The following ADGRV1 variants were observed in gnomAD, a reference collection of about 807,000 sequenced individuals.
ADGRV1 encodes the protein G-protein coupled receptor 98.
In ADGRV1, 359 loss-of-function variants were observed where a neutral mutation model predicts 596.2. The ratio of observed to expected loss-of-function variants is 0.60; its 90% CI spans 0.55 to 0.66. The LOEUF (loss-of-function observed/expected upper bound fraction) is 0.66. Among genes scored for constraint, ADGRV1 ranks in the 30% least tolerant of loss-of-function variants. The pLI, the probability that ADGRV1 is intolerant of heterozygous loss-of-function variation, is 0.00. For synonymous variants in ADGRV1, 2,681 were observed against 2,679.2 expected (o/e 1.00, Z -0.02); for missense variants, 7,274 against 7,575.6 (o/e 0.96, Z 1.48).
chr5:91,163,960 A>T lies in ADGRV1; in HGVS notation c.*60A>T. 1 of 808,950 alleles carries T rather than the reference A, an allele frequency of 1.2e-6. No individual in the cohort carries two copies. Among genetic ancestry groups the T allele is most frequent in the Non-Finnish European group, 2.1e-6 (1 of 468,930 alleles). 50.1% of individuals were successfully genotyped at this position (808,950 alleles called of 1,614,324 possible). On this transcript the variant is annotated 3_prime_UTR_variant, in exon 90 of 90. Coordinates refer to ENST00000405460, the MANE Select transcript of ADGRV1 (RefSeq NM_032119.4). ...TATTTGTATCAGCTTTTGTGCTAAA[A>T]CTCTCTAAGTACATCCACCTGTGTA...
intron 87 of ADGRV1, among the ~76,000 whole-genome samples, chr5:91,117,015 A>G (rs1399792508): frequency 6.6e-6 from 1 of 152,208 alleles, no homozygotes; most frequent in Non-Finnish European, 1.5e-5. Context: ...GAATACAATT[A>G]TTAGCTAAGA....
At chr5:91,119,439 T>C (rs1176173507) in intron 87 of ADGRV1, among the ~76,000 whole-genome samples, 1 of 152,206 alleles carries the variant, frequency 6.6e-6, no homozygotes, top group African/African-American at 2.4e-5. Flanking sequence ...TGAAGCACTT[T>C]GAAAATCGTC....
intron 86 of ADGRV1, among the ~76,000 whole-genome samples, chr5:91,099,697 G>A (rs530777161): frequency 1.4e-4 from 22 of 152,074 alleles, no homozygotes; most frequent in Non-Finnish European, 3.1e-4. Context: ...CCTGAGTCCA[G>A]GAGTTCAAGA....
chr5:90,756,675 C>G (rs1755867186), intron 56 of ADGRV1, 45 bp downstream of exon 56: 1 of 1,500,804 alleles, frequency 6.7e-7, no homozygotes, highest in Non-Finnish European at 9.2e-7. Flanking sequence ...GAGGCCTCTC[C>G]CTGCTGATTT....
intron 83 of ADGRV1, among the ~76,000 whole-genome samples, chr5:90,898,929 G>A (rs1477979398): frequency 6.6e-6 from 1 of 151,980 alleles, no homozygotes; most frequent in Non-Finnish European, 1.5e-5. Flanking sequence ...CTGGGAAATA[G>A]AGTGAGACCC....
At chr5:91,096,483 TTTG>T (rs1426250395) in intron 86 of ADGRV1, among the ~76,000 whole-genome samples, 18 of 152,344 alleles carry the variant, frequency 1.2e-4, no homozygotes, top group African/African-American at 3.8e-4. Context: ...TGGTTTGTTG[TTTG>T]TTGTTGTTGT....
chr5:91,134,283 G>A (rs752991524), intron 87 of ADGRV1, among the ~76,000 whole-genome samples: 3 of 151,488 alleles, frequency 2.0e-5, no homozygotes, highest in African/African-American at 4.9e-5. Context: ...AACCTCCCAC[G>A]CTCAAGCAAT....
chr5:90,810,744 A>G lies in ADGRV1; in HGVS notation c.15484A>G (p.Ser5162Gly). The change falls in exon 74 of 90, where the codon AGC becomes GGC. Residue 5162 changes from serine (S) to glycine (G), a missense_variant. Ser to Gly is a moderately conservative substitution (Grantham distance 56). Transcript: ENST00000405460. ...AGAAACTGAATCCACCACATACCTC[A>G]GCACAAGCAAGACGACTACCATTCT... Reference protein sequence around the residue: ...PVETESTTYLSTSKTTTILQP... With the variant: ...PVETESTTYLGTSKTTTILQP... 6.2e-7 allele frequency: 1 copy of G among 1,613,980 alleles called. No homozygotes were observed. The highest frequency in any genetic ancestry group is 8.5e-7 in the Non-Finnish European group (1 of 1,179,892).
At position 90,748,798 on chromosome 5, in the gene ADGRV1, T is replaced by C. The variant is rs1290501228; in HGVS notation, c.10975-1753T>C. On this transcript the variant is annotated intron_variant, in intron 52 of 89. Transcript: ENST00000405460. ...CTTCATGACACTTATAATTGCCTAG[T>C]TTGTCTATCATCAAGTTTTTTTTTG... Among the ~76,000 whole-genome samples the C allele has an allele frequency of 3.9e-4, 58 of 149,506 alleles. No individual in the cohort carries two copies. The Admixed American group carries it at 3.9e-3, about 10-fold the overall frequency.
chr5:91,112,631 A>G (rs1316057888), intron 87 of ADGRV1, among the ~76,000 whole-genome samples: 2 of 152,210 alleles, frequency 1.3e-5, no homozygotes, highest in Admixed American at 1.3e-4. Context: ...TCCAGGATCT[A>G]AAACTTTATT....
intron 86 of ADGRV1, among the ~76,000 whole-genome samples, chr5:91,073,978 G>C (rs1433880194): frequency 6.6e-6 from 1 of 152,180 alleles, no homozygotes; most frequent in Non-Finnish European, 1.5e-5. Flanking sequence ...GATGACAGGC[G>C]TGAGCCACCA....
chr5:90,745,550 T>C (rs371595251), intron 51 of ADGRV1, 41 bp from the exon 52 acceptor site: 4 of 1,328,344 alleles, frequency 3.0e-6, no homozygotes, highest in Non-Finnish European at 4.2e-6. Flanking sequence ...TATCTTAAAT[T>C]TGTTGTAGTT....
At chr5:90,679,198 A>G (rs1744626597) in intron 25 of ADGRV1, among the ~76,000 whole-genome samples, 1 of 152,190 alleles carries the variant, frequency 6.6e-6, no homozygotes. Context: ...TAAGTGTATG[A>G]TTATATAATC....
At chr5:91,044,567 A>C (rs1785631313) in intron 85 of ADGRV1, among the ~76,000 whole-genome samples, 1 of 152,168 alleles carries the variant, frequency 6.6e-6, no homozygotes, top group African/African-American at 2.4e-5. Flanking sequence ...CACAGGGTAA[A>C]ATAGCCAAAG....
Position 90,736,227 on chromosome 5 carries a change from G to C in ADGRV1, c.10549+6463G>C, listed in dbSNP as rs146206797. ...TCAAATACTTTGCATCAATTTAGAT[G>C]ATTATTTGGTTTTTCTTCTTTATTT... On this transcript the variant is annotated intron_variant, in intron 50 of 89. Transcript: ENST00000405460. Among the ~76,000 whole-genome samples the C allele has an allele frequency of 3.2e-3, 480 of 151,998 alleles. 1 individual carries two copies. Among genetic ancestry groups the C allele is most frequent in the Middle Eastern group, 0.01 (3 of 294 alleles).
At chr5:90,901,333 G>A (rs1771817984) in intron 83 of ADGRV1, among the ~76,000 whole-genome samples, 2 of 152,130 alleles carry the variant, frequency 1.3e-5, no homozygotes, top group African/African-American at 4.8e-5. Flanking sequence ...AGAGTTGTCA[G>A]GCCAACTTCA....
chr5:91,057,115 G>A (rs1381165019), intron 85 of ADGRV1, among the ~76,000 whole-genome samples: 1 of 152,138 alleles, frequency 6.6e-6, no homozygotes. Flanking sequence ...CTAGGTAATA[G>A]GCCAACTATA....
intron 86 of ADGRV1, among the ~76,000 whole-genome samples, chr5:91,093,611 C>T (rs142830397): frequency 1.5e-3 from 229 of 152,254 alleles, no homozygotes; most frequent in African/African-American, 4.5e-3. Context: ...GAGATAGACA[C>T]GTAACAAGTA....
intron 84 of ADGRV1, among the ~76,000 whole-genome samples, chr5:90,974,011 G>C (rs373756780): frequency 1.8e-4 from 28 of 152,262 alleles, no homozygotes; most frequent in African/African-American, 5.8e-4. Flanking sequence ...TCTCAGGATA[G>C]AAAATCAGTG....
Sources: allele counts gnomAD v4.1 joint callset (sites outside exome capture counted in the v4.1 genomes callset), GRCh38; gene constraint gnomAD v4.1.1; transcripts MANE v1.5; gene names NCBI Gene and HGNC (gene_info 2026-07-23, HGNC 2026-07-21).